NMNAT2: variants seen among roughly 807,000 people sequenced by gnomAD.
NMNAT2 encodes the protein nicotinamide nucleotide adenylyltransferase 2, also known as nicotinamide/nicotinic acid mononucleotide adenylyltransferase 2.
Under a neutral mutation model 41.6 loss-of-function variants are expected in NMNAT2, and 11 were observed. The ratio of observed to expected loss-of-function variants is 0.26; its 90% CI spans 0.17 to 0.44. The LOEUF (loss-of-function observed/expected upper bound fraction) is 0.44, where lower values mean the gene tolerates loss of function less well. Ranked by LOEUF, NMNAT2 falls within the 20% of genes least tolerant of loss-of-function variation. The pLI is 1.00. For missense variants in NMNAT2, 288 were observed against 407.7 expected (o/e 0.71, Z 2.53); for synonymous variants, 148 against 151.2 (o/e 0.98, Z 0.16).
At chr1:183,310,941 C>A (rs1333730343) in intron 1 of NMNAT2, among the ~76,000 whole-genome samples, 1 of 152,088 alleles carries the variant, frequency 6.6e-6, no homozygotes, top group Non-Finnish European at 1.5e-5. Context: ...GTGACCAAGT[C>A]AAATAGCATA....
At chr1:183,356,024 G>T (rs999186061) in intron 1 of NMNAT2, among the ~76,000 whole-genome samples, 1 of 152,188 alleles carries the variant, frequency 6.6e-6, no homozygotes. Context: ...CGGAGGTGGG[G>T]CATCTGTCAC....
intron 1 of NMNAT2, among the ~76,000 whole-genome samples, chr1:183,341,199 C>A (rs565959): frequency 0.71 from 107,047 of 151,592 alleles, 37,916 homozygotes; most frequent in East Asian, 0.9. Flanking sequence ...TTGAGCGCTG[C>A]GAGTCAAGAA....
At chr1:183,354,471 G>C (rs1663139327) in intron 1 of NMNAT2, among the ~76,000 whole-genome samples, 1 of 144,874 alleles carries the variant, frequency 6.9e-6, no homozygotes, top group East Asian at 2.0e-4. Flanking sequence ...GAGTGCAGTG[G>C]TGTGATCATG....
At chr1:183,417,939 C>T (rs1244951640) in intron 1 of NMNAT2, among the ~76,000 whole-genome samples, 1 of 152,148 alleles carries the variant, frequency 6.6e-6, no homozygotes, top group East Asian at 1.9e-4. Context: ...CTCTAGTCCC[C>T]TCCCATCCCC....
chr1:183,267,889 T>G (rs1458289388), intron 8 of NMNAT2, among the ~76,000 whole-genome samples: 1 of 152,056 alleles, frequency 6.6e-6, no homozygotes, highest in Middle Eastern at 3.2e-3. Flanking sequence ...ATGGGCAGGA[T>G]CAGGACACAA....
At chr1:183,366,622 T>C (rs1324000728) in intron 1 of NMNAT2, among the ~76,000 whole-genome samples, 1 of 152,084 alleles carries the variant, frequency 6.6e-6, no homozygotes, top group Non-Finnish European at 1.5e-5. Context: ...GAATAGATAT[T>C]AATAGAATGG....
intron 1 of NMNAT2, among the ~76,000 whole-genome samples, chr1:183,358,128 T>C (rs901658328): frequency 2.0e-5 from 3 of 152,182 alleles, no homozygotes; most frequent in Non-Finnish European, 4.4e-5. Context: ...GGGACATGGA[T>C]GAAATTGGAG....
intron 1 of NMNAT2, among the ~76,000 whole-genome samples, chr1:183,376,397 G>C (rs1442504682): frequency 1.3e-5 from 2 of 152,210 alleles, no homozygotes; most frequent in African/African-American, 4.8e-5. Context: ...TGATGGCTGA[G>C]TGCTTGTGCT....
At position 183,250,105 on chromosome 1, in the gene NMNAT2, T is replaced by G. The variant is rs1248604858; in HGVS notation, c.*2536A>C. 6.6e-6 allele frequency: 1 copy of G among 152,180 alleles called. No homozygotes were observed. Among genetic ancestry groups the G allele is most frequent in the Non-Finnish European group, 1.5e-5 (1 of 68,058 alleles). The allele number at this position is 152,180 out of a possible 1,614,324, so 9.4% of individuals were successfully genotyped here. ...ACGTGGGTCCCATAAATTCCATCCA[T>G]AACTCCAAGTCCTTAAACAAGCCAT... On this transcript the variant is annotated 3_prime_UTR_variant, in exon 11 of 11. Coordinates refer to ENST00000287713, the MANE Select transcript of NMNAT2 (RefSeq NM_015039.4).
At chr1:183,301,847 A>G (rs955797189) in intron 1 of NMNAT2, among the ~76,000 whole-genome samples, 1 of 152,222 alleles carries the variant, frequency 6.6e-6, no homozygotes, top group Non-Finnish European at 1.5e-5. Flanking sequence ...CTAGGGAGTT[A>G]ATGGAAGAGT....
chr1:183,370,323 TC>T (rs1663508007), intron 1 of NMNAT2, among the ~76,000 whole-genome samples: 1 of 151,502 alleles, frequency 6.6e-6, no homozygotes, highest in African/African-American at 2.4e-5. Flanking sequence ...CAGACCTAGT[TC>T]CAGGTACAGT....
intron 8 of NMNAT2, among the ~76,000 whole-genome samples, chr1:183,269,970 G>T (rs1197230575): frequency 3.3e-5 from 5 of 152,014 alleles, no homozygotes; most frequent in African/African-American, 1.2e-4. Flanking sequence ...TGCAAGCTCC[G>T]CCTCCCGGGT....
chr1:183,257,874 T>C lies in NMNAT2; in HGVS notation c.821+3128A>G, dbSNP rs142320501. ...CTATTTAGTTTTGCTCTAATCTTTA[T>C]TATTTCCTTCCTTTGGGTTTAGTTT... On this transcript the variant is annotated intron_variant, in intron 10 of 10. Transcript: ENST00000287713. Among the ~76,000 whole-genome samples the C allele has an allele frequency of 9.6e-4, 146 of 152,270 alleles. 2 individuals carry two copies. The East Asian group carries it at 0.02, about 21-fold the overall frequency.
chr1:183,356,735 T>C (rs1481447104), intron 1 of NMNAT2, among the ~76,000 whole-genome samples: 4 of 152,234 alleles, frequency 2.6e-5, no homozygotes, highest in Admixed American at 1.3e-4. Context: ...TGTTCACCTT[T>C]GGAAGGAGCT....
chr1:183,341,740 A>AAC (rs1557883724), intron 1 of NMNAT2, among the ~76,000 whole-genome samples: 13 of 139,102 alleles, frequency 9.3e-5, no homozygotes, highest in Non-Finnish European at 1.9e-4. Flanking sequence ...AAAAAAAAAA[A>AAC]AAAAAAACCT....
intron 1 of NMNAT2, among the ~76,000 whole-genome samples, chr1:183,341,724 C>CAAAAAAAAAAAAAAAAAAAAAAAAA (rs1557883660): frequency 1.3e-4 from 2 of 15,822 alleles, no homozygotes; most frequent in African/African-American, 2.0e-4. Context: ...CAAACAAACA[C>CAAAAAAAAAAAAAAAAAAAAAAAAA]CAAAAAAAAA....
In NMNAT2 at chr1:183,311,722, TACACACACACACACACAC is replaced by T. The variant is rs61005402; in HGVS notation, c.86-17947_86-17930del. 6.4e-4 allele frequency among the ~76,000 whole-genome samples: 93 copies of T among 144,308 alleles called. 1 individual carries two copies. Among genetic ancestry groups the T allele is most frequent in the Middle Eastern group, 7.1e-3 (2 of 280 alleles). The allele number at this position is 144,308 out of a possible 152,430, so 94.7% of individuals were successfully genotyped here. On this transcript the variant is annotated intron_variant, in intron 1 of 10. Coordinates refer to ENST00000287713, the MANE Select transcript of NMNAT2 (RefSeq NM_015039.4). ...CAGTTCACATCACACGTCCAGTCCC[TACACACACACACACACAC>T]ACACACACACACACACACACACACA...
At chr1:183,347,087 C>G (rs937162950) in intron 1 of NMNAT2, among the ~76,000 whole-genome samples, 2 of 152,166 alleles carry the variant, frequency 1.3e-5, no homozygotes, top group Non-Finnish European at 2.9e-5. Flanking sequence ...CACTTAGTCA[C>G]TTTCTTCTGT....
intron 1 of NMNAT2, among the ~76,000 whole-genome samples, chr1:183,313,823 C>G (rs1222031848): frequency 1.3e-5 from 2 of 152,192 alleles, no homozygotes; most frequent in African/African-American, 4.8e-5. Context: ...ACAACAACAG[C>G]ACATATTAAT....
Sources: allele counts gnomAD v4.1 joint callset (sites outside exome capture counted in the v4.1 genomes callset), GRCh38; gene constraint gnomAD v4.1.1; transcripts MANE v1.5; gene names NCBI Gene and HGNC (gene_info 2026-07-23, HGNC 2026-07-21).